SLC9A9: variants seen among roughly 807,000 people sequenced by gnomAD.
The protein encoded by SLC9A9 is solute carrier family 9 member A9, also known as sodium/hydrogen exchanger 9.
In SLC9A9, 62 loss-of-function variants were observed where a neutral mutation model predicts 77.8. That is an observed-to-expected ratio of 0.80 (90% CI 0.65 to 0.98). The LOEUF is 0.98. Ranked by LOEUF, SLC9A9 falls within the 50% of genes least tolerant of loss-of-function variation. The pLI, the probability that SLC9A9 is intolerant of heterozygous loss-of-function variation, is 0.00. For synonymous variants in SLC9A9, 320 were observed against 283.5 expected, an observed-to-expected ratio of 1.13 and a Z score of -1.29; for missense variants, 775 against 774.9, an observed-to-expected ratio of 1.00 and a Z score of 0.00.
chr3:143,427,352 T>C (rs189428478), intron 12 of SLC9A9, among the ~76,000 whole-genome samples: 1 of 152,294 alleles, frequency 6.6e-6, no homozygotes, highest in East Asian at 1.9e-4. Flanking sequence ...TAAAACCATA[T>C]AGATATAAAT....
At chr3:143,635,502 G>A (rs1463897414) in intron 6 of SLC9A9, among the ~76,000 whole-genome samples, 1 of 152,158 alleles carries the variant, frequency 6.6e-6, no homozygotes, top group East Asian at 1.9e-4. Flanking sequence ...TCTTTTTGTA[G>A]TTTATGGCAT....
At chr3:143,445,216 T>G (rs2034821704) in intron 12 of SLC9A9, among the ~76,000 whole-genome samples, 1 of 152,208 alleles carries the variant, frequency 6.6e-6, no homozygotes, top group Admixed American at 6.5e-5. Flanking sequence ...CAGCTAGTTT[T>G]TGACACCTTA....
At chr3:143,485,258 G>T (rs548838551) in intron 11 of SLC9A9, among the ~76,000 whole-genome samples, 1 of 152,230 alleles carries the variant, frequency 6.6e-6, no homozygotes, top group Non-Finnish European at 1.5e-5. Context: ...AGACAAAATC[G>T]CCACCATTGT....
intron 6 of SLC9A9, among the ~76,000 whole-genome samples, chr3:143,625,371 A>C (rs1233018685): frequency 3.9e-5 from 6 of 152,200 alleles, no homozygotes; most frequent in African/African-American, 1.2e-4. Flanking sequence ...ACTATACTAC[A>C]AGGCTACAGT....
intron 9 of SLC9A9, chr3:143,504,049 G>A: frequency 2.0e-6 from 1 of 496,444 alleles, no homozygotes; most frequent in Non-Finnish European, 4.0e-6. Flanking sequence ...CTGGAAGATG[G>A]TTATGGGATT....
intron 9 of SLC9A9, among the ~76,000 whole-genome samples, chr3:143,526,769 T>G (rs951222458): frequency 6.6e-6 from 1 of 152,216 alleles, no homozygotes; most frequent in African/African-American, 2.4e-5. Context: ...TTGAAAGATA[T>G]TAATGTAGAC....
chr3:143,848,161 T>C lies in SLC9A9; in HGVS notation c.162A>G (p.Gly54=), dbSNP rs2009869344. 1.9e-6 allele frequency: 3 copies of C among 1,613,898 alleles called. No individual in the cohort carries two copies. The highest frequency in any genetic ancestry group is 2.5e-6 in the Non-Finnish European group (3 of 1,179,862). Residue 54 remains glycine, a synonymous_variant, in exon 1 of 16, where the codon GGA becomes GGG. Transcript: ENST00000316549. ...TTATGCACTCACCATACACCATTGC[T>C]CCTCCAGTTTCATGCAAGAAGCGGA... The part of the protein sequence containing the change: ...HRFRFLHETG[G]AMVYGLIMGL...
chr3:143,388,734 G>A (rs931571013), intron 12 of SLC9A9, among the ~76,000 whole-genome samples: 1 of 152,100 alleles, frequency 6.6e-6, no homozygotes, highest in Non-Finnish European at 1.5e-5. Flanking sequence ...AGGATATAAA[G>A]GTCAATGATA....
At chr3:143,745,713 T>C (rs754771979) in intron 4 of SLC9A9, among the ~76,000 whole-genome samples, 3 of 152,214 alleles carry the variant, frequency 2.0e-5, no homozygotes, top group South Asian at 2.1e-4. Context: ...AAAGTTTACA[T>C]CTATTGTGTG....
At chr3:143,585,952 G>C (rs111535235) in intron 6 of SLC9A9, among the ~76,000 whole-genome samples, 43 of 152,238 alleles carry the variant, frequency 2.8e-4, no homozygotes, top group Non-Finnish European at 6.0e-4. Flanking sequence ...GGATGAGCTC[G>C]CAGCCTCTGT....
At chr3:143,274,788 A>G (rs1937998090) in intron 14 of SLC9A9, among the ~76,000 whole-genome samples, 1 of 152,232 alleles carries the variant, frequency 6.6e-6, no homozygotes, top group Admixed American at 6.5e-5. Context: ...TAATACTGAT[A>G]ATGCTACCAT....
intron 4 of SLC9A9, among the ~76,000 whole-genome samples, chr3:143,741,294 A>G (rs1310055352): frequency 1.3e-5 from 2 of 152,186 alleles, no homozygotes; most frequent in Non-Finnish European, 2.9e-5. Context: ...TCACCCCATT[A>G]TGTCAAAGGG....
intron 14 of SLC9A9, among the ~76,000 whole-genome samples, chr3:143,312,408 T>C (rs6796444): frequency 0.48 from 73,601 of 152,134 alleles, 19,558 homozygotes; most frequent in African/African-American, 0.71. Flanking sequence ...AACATTAATC[T>C]TTGACTATCT....
chr3:143,839,845 T>C (rs72997334), intron 1 of SLC9A9, among the ~76,000 whole-genome samples: 11,925 of 152,280 alleles, frequency 0.078, 1,468 homozygotes, highest in African/African-American at 0.26. Flanking sequence ...GTAATGTTTA[T>C]ACAACACACT....
At chr3:143,318,750 C>A (rs573089995) in intron 14 of SLC9A9, among the ~76,000 whole-genome samples, 1 of 152,176 alleles carries the variant, frequency 6.6e-6, no homozygotes, top group Admixed American at 6.5e-5. Flanking sequence ...AGGTATAAGA[C>A]CCCCTGTCTA....
intron 4 of SLC9A9, among the ~76,000 whole-genome samples, chr3:143,727,721 GAATTATTT>G (rs1934692895): frequency 6.6e-6 from 1 of 152,076 alleles, no homozygotes; most frequent in Non-Finnish European, 1.5e-5. Flanking sequence ...AAAATAAAAC[GAATTATTT>G]TACTGAGTAC....
intron 4 of SLC9A9, among the ~76,000 whole-genome samples, chr3:143,714,025 T>A (rs1041412964): frequency 2.0e-5 from 3 of 152,222 alleles, no homozygotes. Context: ...TCTTCACAAA[T>A]TCTCAGTTTG....
intron 4 of SLC9A9, among the ~76,000 whole-genome samples, chr3:143,705,953 G>A (rs1186692280): frequency 6.6e-6 from 1 of 152,232 alleles, no homozygotes; most frequent in African/African-American, 2.4e-5. Flanking sequence ...AGCGCTAAGT[G>A]TCCTACGAGA....
rs541343285 is a variant in SLC9A9 at position 143,560,979 on chromosome 3, G to A, written c.1001-8529C>T. On this transcript the variant is annotated intron_variant, in intron 8 of 15. Coordinates refer to ENST00000316549, the MANE Select transcript of SLC9A9 (RefSeq NM_173653.4). ...GCTGATCACCTGAGGTCAGGAGTTC[G>A]AGACCAGCCTGGTCAAAATGGCAAA... Among the ~76,000 whole-genome samples, 7 of 152,172 alleles carry A rather than the reference G, an allele frequency of 4.6e-5. No individual in the cohort carries two copies. The East Asian group carries it at 1.2e-3, about 25-fold the overall frequency.
Sources: gnomAD v4.1 joint callset for allele counts (sites outside exome capture counted in the v4.1 genomes callset) on GRCh38, gnomAD v4.1.1 for gene constraint, MANE v1.5 for transcripts, NCBI Gene and HGNC (gene_info 2026-07-23, HGNC 2026-07-21) for gene names.